The following ADGRB3 variants were observed in gnomAD, a reference collection of about 807,000 sequenced individuals.
The protein encoded by ADGRB3 is adhesion G protein-coupled receptor B3, also known as brain-specific angiogenesis inhibitor 3.
ADGRB3 carries 37 observed loss-of-function variants against 193.4 expected under a neutral mutation model. The observed-to-expected ratio is 0.19, with a 90% confidence interval of 0.15 to 0.25. ADGRB3 has a LOEUF of 0.25. Ranked by LOEUF, ADGRB3 falls within the 10% of genes least tolerant of loss-of-function variation. The pLI, the probability that ADGRB3 is intolerant of heterozygous loss-of-function variation, is 1.00. For missense variants in ADGRB3, 1,637 were observed against 1,852.9 expected (o/e 0.88, Z 2.14); for synonymous variants, 690 against 644.2 (o/e 1.07, Z -1.08).
intron 29 of ADGRB3, among the ~76,000 whole-genome samples, chr6:69,369,737 G>C (rs1769667385): frequency 6.6e-6 from 1 of 151,600 alleles, no homozygotes; most frequent in South Asian, 2.1e-4. Context: ...CATGTCTGGA[G>C]GTGGAGAAGT....
chr6:68,915,591 C>T (rs1189007143), intron 3 of ADGRB3, among the ~76,000 whole-genome samples: 2 of 152,078 alleles, frequency 1.3e-5, no homozygotes. Flanking sequence ...GTTGCGTAGA[C>T]AGGAGAGTGT....
At chr6:68,831,773 G>T (rs566977979) in intron 3 of ADGRB3, among the ~76,000 whole-genome samples, 1 of 152,166 alleles carries the variant, frequency 6.6e-6, no homozygotes, top group African/African-American at 2.4e-5. Flanking sequence ...GAAATAAGTT[G>T]TGCCCCCAAA....
At chr6:68,841,897 G>C (rs567083309) in intron 3 of ADGRB3, among the ~76,000 whole-genome samples, 9 of 151,552 alleles carry the variant, frequency 5.9e-5, no homozygotes, top group African/African-American at 1.4e-4. Flanking sequence ...GTGGCAAGGA[G>C]TGGGATTGCT....
chr6:68,969,701 T>G lies in ADGRB3; in HGVS notation c.1526-5062T>G, dbSNP rs1257034458. Among the ~76,000 whole-genome samples, 5 of 152,298 alleles carry G rather than the reference T, an allele frequency of 3.3e-5. No individual in the cohort carries two copies. In the South Asian group the frequency reaches 1.0e-3, roughly 32 times the overall value. On this transcript the variant is annotated intron_variant, in intron 8 of 31. Coordinates refer to ENST00000370598, the MANE Select transcript of ADGRB3 (RefSeq NM_001704.3). ...ATCATCCTTGACCCCTTTGTCTTCC[T>G]AAATTCTCACATAGTTTTGTCTACC...
Position 68,974,785 on chromosome 6 carries a change from G to A in ADGRB3, c.1548G>A (p.Glu516=). 2 of 1,613,904 alleles carry A rather than the reference G, an allele frequency of 1.2e-6. No individual in the cohort carries two copies. Among genetic ancestry groups the A allele is most frequent in the South Asian group, 1.1e-5 (1 of 91,062 alleles). Residue 516 remains glutamate, a synonymous_variant, in exon 9 of 32, where the codon GAG becomes GAA. Transcript: ENST00000370598. ...RCPAPYEICP[E]DYLMSMVWKR... is the part of the protein sequence containing the mutation. ...CAGCACCTTATGAAATATGCCCTGA[G>A]GATTATCTGATGTCGATGGTGTGGA...
At chr6:69,146,821 C>CTTTTTTTTTTTTTTTTTTTTT (rs756561473) in intron 17 of ADGRB3, among the ~76,000 whole-genome samples, 3 of 103,246 alleles carry the variant, frequency 2.9e-5, no homozygotes, top group Admixed American at 2.2e-4. Flanking sequence ...CTCATTACTT[C>CTTTTTTTTTTTTTTTTTTTTT]TTTTTTTTTT....
chr6:69,302,611 A>G (rs937548873), intron 20 of ADGRB3, among the ~76,000 whole-genome samples: 15 of 152,064 alleles, frequency 9.9e-5, no homozygotes, highest in African/African-American at 3.1e-4. Context: ...ATTTAAAGCT[A>G]TTACACACAG....
At chr6:69,052,956 C>G (rs1374401711) in intron 15 of ADGRB3, among the ~76,000 whole-genome samples, 1 of 152,104 alleles carries the variant, frequency 6.6e-6, no homozygotes, top group African/African-American at 2.4e-5. Flanking sequence ...GAGGCCGAGG[C>G]GGGTGGATGA....
At chr6:69,189,041 C>A (rs1375140318) in intron 17 of ADGRB3, among the ~76,000 whole-genome samples, 2 of 152,172 alleles carry the variant, frequency 1.3e-5, no homozygotes, top group Non-Finnish European at 2.9e-5. Flanking sequence ...TATGTTCTTT[C>A]TCCACACAAT....
At chr6:68,911,375 A>G (rs1236374366) in intron 3 of ADGRB3, among the ~76,000 whole-genome samples, 1 of 152,082 alleles carries the variant, frequency 6.6e-6, no homozygotes, top group African/African-American at 2.4e-5. Flanking sequence ...TATGTAACAA[A>G]CCTGCACGTT....
intron 17 of ADGRB3, among the ~76,000 whole-genome samples, chr6:69,140,722 A>C (rs2150337612): frequency 6.6e-6 from 1 of 152,310 alleles, no homozygotes; most frequent in Non-Finnish European, 1.5e-5. Flanking sequence ...TAATGAGATT[A>C]TTACACATGG....
At chr6:69,259,547 A>T (rs1393488312) in intron 20 of ADGRB3, among the ~76,000 whole-genome samples, 1 of 151,840 alleles carries the variant, frequency 6.6e-6, no homozygotes, top group Non-Finnish European at 1.5e-5. Context: ...ACGCAAAAAA[A>T]TAGCCGGGCT....
intron 12 of ADGRB3, among the ~76,000 whole-genome samples, chr6:69,017,893 C>T (rs1325286394): frequency 6.6e-6 from 1 of 151,872 alleles, no homozygotes; most frequent in African/African-American, 2.4e-5. Context: ...TACCATTATT[C>T]TTACAGTGGG....
chr6:69,044,834 T>C (rs184259797), intron 13 of ADGRB3, among the ~76,000 whole-genome samples: 251 of 152,002 alleles, frequency 1.7e-3, no homozygotes, highest in African/African-American at 5.2e-3. Context: ...GGACACTGAG[T>C]CCTTTGAGAT....
At chr6:68,859,151 G>A (rs1168089640) in intron 3 of ADGRB3, among the ~76,000 whole-genome samples, 34 of 152,128 alleles carry the variant, frequency 2.2e-4, no homozygotes, top group Admixed American at 2.2e-3. Flanking sequence ...TCTAGGTCAG[G>A]GCAATATGCT....
intron 20 of ADGRB3, among the ~76,000 whole-genome samples, chr6:69,302,566 T>A (rs1375797205): frequency 6.6e-6 from 1 of 151,924 alleles, no homozygotes. Flanking sequence ...ACATAACGTC[T>A]GTAATAAGCC....
chr6:69,271,898 A>C (rs1051244558), intron 20 of ADGRB3, among the ~76,000 whole-genome samples: 19 of 152,240 alleles, frequency 1.2e-4, no homozygotes, highest in African/African-American at 4.6e-4. Flanking sequence ...TATTAAAAAC[A>C]TACGAATTTT....
chr6:68,816,373 T>A (rs1767631691), intron 3 of ADGRB3, among the ~76,000 whole-genome samples: 1 of 151,904 alleles, frequency 6.6e-6, no homozygotes. Context: ...AACTGAGTAT[T>A]TATAACTAAT....
chr6:69,347,924 C>T (rs950677795), intron 26 of ADGRB3, among the ~76,000 whole-genome samples: 2 of 152,294 alleles, frequency 1.3e-5, no homozygotes, highest in African/African-American at 4.8e-5. Flanking sequence ...ATCACACAGG[C>T]AAGGACAATA....
Sources: gnomAD v4.1 joint callset for allele counts (sites outside exome capture counted in the v4.1 genomes callset) on GRCh38, gnomAD v4.1.1 for gene constraint, MANE v1.5 for transcripts, NCBI Gene and HGNC (gene_info 2026-07-23, HGNC 2026-07-21) for gene names.